ATRNL1: variants seen among roughly 807,000 people sequenced by gnomAD.
ATRNL1 encodes attractin-like protein 1.
In ATRNL1, 95 loss-of-function variants were observed where a neutral mutation model predicts 182.7. That is an observed-to-expected ratio of 0.52 (90% CI 0.44 to 0.62). The LOEUF is 0.62. Among genes scored for constraint, ATRNL1 ranks in the 20% least tolerant of loss-of-function variants. ATRNL1 has a pLI of 0.00. For synonymous variants in ATRNL1, 576 were observed against 568.3 expected (o/e 1.01, Z -0.19); for missense variants, 1,471 against 1,679.5 (o/e 0.88, Z 2.17).
At chr10:115,564,313 A>C (rs782432343) in intron 26 of ATRNL1, among the ~76,000 whole-genome samples, 1 of 152,016 alleles carries the variant, frequency 6.6e-6, no homozygotes, top group Non-Finnish European at 1.5e-5. Context: ...TGTAACAATT[A>C]TGAAGCATTG....
intron 20 of ATRNL1, among the ~76,000 whole-genome samples, chr10:115,396,068 A>G (rs1844274727): frequency 6.6e-6 from 1 of 151,900 alleles, no homozygotes; most frequent in Non-Finnish European, 1.5e-5. Context: ...TTTAAAATAA[A>G]TATATTACTT....
At chr10:115,215,635 A>G (rs1285285058) in intron 8 of ATRNL1, 62 bp from the exon 9 acceptor site, 1 of 1,252,782 alleles carries the variant, frequency 8.0e-7, no homozygotes, top group East Asian at 2.7e-5. Context: ...TATTTTGGTG[A>G]TATATTAGTT....
intron 28 of ATRNL1, among the ~76,000 whole-genome samples, chr10:115,862,972 A>C: frequency 6.6e-6 from 1 of 152,172 alleles, no homozygotes; most frequent in East Asian, 1.9e-4. Flanking sequence ...TCTGTCCCTA[A>C]AGTAAGAAAT....
chr10:115,547,974 G>A (rs1028098218), intron 25 of ATRNL1, among the ~76,000 whole-genome samples: 2 of 152,176 alleles, frequency 1.3e-5, no homozygotes, highest in Non-Finnish European at 2.9e-5. Context: ...TTCTGGAGGC[G>A]GGATTAGAGA....
chr10:115,662,716 G>A (rs1555038432), intron 26 of ATRNL1, among the ~76,000 whole-genome samples: 1 of 151,936 alleles, frequency 6.6e-6, no homozygotes, highest in African/African-American at 2.4e-5. Context: ...AATGATAGAA[G>A]GCAAATTCCA....
At chr10:115,504,926 CT>C (rs1181027338) in intron 24 of ATRNL1, among the ~76,000 whole-genome samples, 2 of 151,862 alleles carry the variant, frequency 1.3e-5, no homozygotes, top group East Asian at 1.9e-4. Flanking sequence ...TTATAAAGAC[CT>C]TTTTTTCTAT....
intron 21 of ATRNL1, among the ~76,000 whole-genome samples, chr10:115,450,663 T>C (rs557911847): frequency 1.3e-5 from 2 of 152,296 alleles, no homozygotes; most frequent in South Asian, 4.1e-4. Flanking sequence ...GACTCATGGA[T>C]AGGAACTGTC....
chr10:115,442,935 G>C (rs1310267469), intron 21 of ATRNL1, among the ~76,000 whole-genome samples: 1 of 151,944 alleles, frequency 6.6e-6, no homozygotes, highest in Non-Finnish European at 1.5e-5. Flanking sequence ...CTCCTTAGCA[G>C]TCTATTTATC....
chr10:115,874,711 A>G (rs995920345), intron 28 of ATRNL1, among the ~76,000 whole-genome samples: 1 of 152,220 alleles, frequency 6.6e-6, no homozygotes, highest in Non-Finnish European at 1.5e-5. Context: ...AGAAACCTGG[A>G]CAGGCAGCAG....
intron 21 of ATRNL1, among the ~76,000 whole-genome samples, chr10:115,444,977 C>T (rs1018596961): frequency 2.0e-4 from 30 of 151,514 alleles, no homozygotes; most frequent in East Asian, 3.9e-4. Flanking sequence ...GTGATCTGCC[C>T]GCCTTGGCCT....
chr10:115,767,479 T>C (rs1266176889), intron 27 of ATRNL1, among the ~76,000 whole-genome samples: 5 of 152,102 alleles, frequency 3.3e-5, no homozygotes, highest in African/African-American at 4.8e-5. Flanking sequence ...TTCAGGTCCC[T>C]TCTTGTGATT....
chr10:115,372,240 G>A (rs1041209205), intron 19 of ATRNL1, among the ~76,000 whole-genome samples: 3 of 152,134 alleles, frequency 2.0e-5, no homozygotes, highest in African/African-American at 7.2e-5. Context: ...AGTTGTTTGA[G>A]TTCCTTTTAT....
intron 8 of ATRNL1, among the ~76,000 whole-genome samples, chr10:115,183,928 TA>T (rs1391162706): frequency 6.6e-6 from 1 of 151,476 alleles, no homozygotes; most frequent in Non-Finnish European, 1.5e-5. Context: ...AAATTCTAAA[TA>T]AAATGAACAC....
intron 24 of ATRNL1, among the ~76,000 whole-genome samples, chr10:115,479,306 A>C (rs1267686446): frequency 6.6e-6 from 1 of 151,612 alleles, no homozygotes; most frequent in Non-Finnish European, 1.5e-5. Context: ...CTAGAAATCG[A>C]GAAATGTTTT....
At chr10:115,522,222 G>T (rs1554985422) in intron 25 of ATRNL1, among the ~76,000 whole-genome samples, 1 of 152,136 alleles carries the variant, frequency 6.6e-6, no homozygotes, top group African/African-American at 2.4e-5. Context: ...TATAAAAAGA[G>T]GTTTATTTGG....
chr10:115,676,925 A>G (rs892547795), intron 26 of ATRNL1, among the ~76,000 whole-genome samples: 2 of 152,084 alleles, frequency 1.3e-5, no homozygotes, highest in African/African-American at 2.4e-5. Flanking sequence ...ACCCATGACC[A>G]ATGTCTCAGT....
intron 26 of ATRNL1, among the ~76,000 whole-genome samples, chr10:115,664,144 G>T (rs529827500): frequency 7.2e-5 from 11 of 152,142 alleles, no homozygotes; most frequent in African/African-American, 2.7e-4. Flanking sequence ...CCGCTAAAGA[G>T]ATGTTCCCCA....
At chr10:115,341,309 A>C (rs1164394869) in intron 19 of ATRNL1, among the ~76,000 whole-genome samples, 1 of 152,010 alleles carries the variant, frequency 6.6e-6, no homozygotes, top group Non-Finnish European at 1.5e-5. Flanking sequence ...TTTAATTTCC[A>C]TGTATTTGTA....
At chr10:115,475,707 G>A (rs782352009) in intron 24 of ATRNL1, among the ~76,000 whole-genome samples, 1 of 151,228 alleles carries the variant, frequency 6.6e-6, no homozygotes, top group Non-Finnish European at 1.5e-5. Context: ...CTATTGCATT[G>A]TAATAATTGT....
Sources: gnomAD v4.1 joint callset for allele counts (sites outside exome capture counted in the v4.1 genomes callset) on GRCh38, gnomAD v4.1.1 for gene constraint, MANE v1.5 for transcripts, NCBI Gene and HGNC (gene_info 2026-07-23, HGNC 2026-07-21) for gene names.